The following DSEL variants were observed in gnomAD, a reference collection of about 807,000 sequenced individuals.
The protein encoded by DSEL is dermatan sulfate epimerase like.
In DSEL, 61 loss-of-function variants were observed where a neutral mutation model predicts 96.6. That is an observed-to-expected ratio of 0.63 (90% confidence interval 0.51 to 0.78). DSEL has a LOEUF of 0.78. Ranked by LOEUF, DSEL falls within the 30% of genes least tolerant of loss-of-function variation. The pLI is 0.00. For synonymous variants in DSEL, 514 were observed against 502.0 expected (o/e 1.02, Z -0.32); for missense variants, 1,320 against 1,430.8 (o/e 0.92, Z 1.25).
chr18:67,513,192 T>C lies in DSEL; in HGVS notation c.1417A>G (p.Asn473Asp). Residue 473 changes from asparagine to aspartate, a missense_variant, in exon 2 of 2, where the codon AAC becomes GAC. Transcript: ENST00000310045. ...CCATTGGGGGCAAAAGTAAATGAGT[T>C]CTGATCTGGATGCTCATGTCCTGGG... Reference protein sequence around the residue: ...FNPGHEHPDQNSFTFAPNGQV... With the variant: ...FNPGHEHPDQDSFTFAPNGQV... The C allele has an allele frequency of 6.2e-7, 1 of 1,614,164 alleles. No individual in the cohort carries two copies. The highest frequency in any genetic ancestry group is 8.5e-7 in the Non-Finnish European group (1 of 1,180,034).
rs575755730 is a variant in DSEL, at chr18:67,508,650, C to T, written c.*2320G>A. The T allele has an allele frequency of 6.6e-6, 1 of 152,020 alleles. No individual in the cohort carries two copies. Among genetic ancestry groups the T allele is most frequent in the Admixed American group, 6.6e-5 (1 of 15,264 alleles). 9.4% of individuals were successfully genotyped at this position (152,020 alleles called of 1,614,324 possible). ...TCTCAGTGTAACTCATTTTCTTTTT[C>T]ATTTTCTGTAACTCTTCTTTCCCTA... On this transcript the variant is annotated 3_prime_UTR_variant, in exon 2 of 2. Coordinates refer to ENST00000310045, the MANE Select transcript of DSEL (RefSeq NM_032160.3).
chr18:67,512,410 G>T lies in DSEL; in HGVS notation c.2199C>A (p.Phe733Leu). 6.2e-7 allele frequency: 1 copy of T among 1,614,136 alleles called. No individual in the cohort carries two copies. Among genetic ancestry groups the T allele is most frequent in the East Asian group, 2.2e-5 (1 of 44,884 alleles). Residue 733 changes from phenylalanine (F) to leucine (L), a missense_variant, in exon 2 of 2, where the codon TTC (phenylalanine) becomes TTA (leucine). Physicochemically the swap from Phe to Leu is conservative, Grantham distance 22. This residue lies in a region of DSEL where 986 missense variants were observed against 1,066.4 expected (regional missense o/e 0.92). Transcript: ENST00000310045. ...NLKTRFNYLG[F>L]GGFASVADQG... ...GATCAGCCACACTGGCAAAGCCACC[G>T]AATCCCAGATAATTGAATCTTGTCT...
chr18:67,512,419 A>G lies in DSEL; in HGVS notation c.2190T>C (p.Tyr730=). ...CACTGGCAAAGCCACCGAATCCCAG[A>G]TAATTGAATCTTGTCTTCAGGTTAT... is the stretch of plus-strand genomic sequence containing the variant. ...DYHNLKTRFN[Y]LGFGGFASVA... is the part of the protein sequence containing the mutation. Residue 730 remains tyrosine (Y), a synonymous_variant, in exon 2 of 2, where the codon TAT becomes TAC. Coordinates refer to ENST00000310045, the MANE Select transcript of DSEL (RefSeq NM_032160.3). The G allele has an allele frequency of 6.2e-7, 1 of 1,614,202 alleles. No individual in the cohort carries two copies. The highest frequency in any genetic ancestry group is 8.5e-7 in the Non-Finnish European group (1 of 1,180,042).
chr18:67,513,175 G>T lies in DSEL; in HGVS notation c.1434C>A (p.Ala478=). The change falls in exon 2 of 2, where the codon GCC becomes GCA. Residue 478 remains alanine, a synonymous_variant. Coordinates refer to ENST00000310045, the MANE Select transcript of DSEL (RefSeq NM_032160.3). ...CAGAAACAAATACTTGTCCATTGGG[G>T]GCAAAAGTAAATGAGTTCTGATCTG... The part of the protein sequence containing the change: ...EHPDQNSFTF[A]PNGQVFVSEA... 1.9e-6 allele frequency: 3 copies of T among 1,614,114 alleles called. No homozygotes were observed. The highest frequency in any genetic ancestry group is 2.5e-6 in the Non-Finnish European group (3 of 1,180,034).
In DSEL at chr18:67,514,443, G is replaced by C; in HGVS notation, c.166C>G (p.Leu56Val). The part of the protein sequence containing the change: ...KVQDFRPNQK[L>V]KKSMLHPSLY... Reference sequence around the variant, plus strand: ...CTTGGATGAAGCATACTTTTCTTCAGCTTTTGGTTGGGTCTGAAATCTTGC... The same window carrying C: ...CTTGGATGAAGCATACTTTTCTTCACCTTTTGGTTGGGTCTGAAATCTTGC... Residue 56 changes from leucine to valine, a missense_variant, in exon 2 of 2, where the codon CTG (leucine) becomes GTG (valine). This residue lies in a region of DSEL where 323 missense variants were observed against 333.1 expected (regional missense o/e 0.97). Transcript: ENST00000310045. 1 of 1,614,084 alleles carries C rather than the reference G, an allele frequency of 6.2e-7. No individual in the cohort carries two copies. The highest frequency in any genetic ancestry group is 8.5e-7 in the Non-Finnish European group (1 of 1,180,032).
At position 67,511,291 on chromosome 18, in the gene DSEL, A is replaced by T; in HGVS notation, c.3318T>A (p.Asn1106Lys). Reference protein sequence around the residue: ...VSLLSHLWLANTAAALRINTD... With the variant: ...VSLLSHLWLAKTAAALRINTD... ...TATTTATTCTCAAGGCTGCTGCTGT[A>T]TTTGCTAGCCACAAGTGAGACAAGA... Residue 1106 changes from asparagine (N) to lysine (K), a missense_variant, in exon 2 of 2, where the codon AAT (asparagine) becomes AAA (lysine). Physicochemically the swap from Asn to Lys is moderately conservative, Grantham distance 94. Transcript: ENST00000310045. 1 of 1,609,648 alleles carries T rather than the reference A, an allele frequency of 6.2e-7. No homozygotes were observed. The highest frequency in any genetic ancestry group is 8.5e-7 in the Non-Finnish European group (1 of 1,179,988).
In DSEL at chr18:67,512,187, C is replaced by T. The variant is rs2089447232; in HGVS notation, c.2422G>A (p.Val808Ile). 6.2e-7 allele frequency: 1 copy of T among 1,614,158 alleles called. No individual in the cohort carries two copies. Among genetic ancestry groups the T allele is most frequent in the Non-Finnish European group, 8.5e-7 (1 of 1,180,046 alleles). Residue 808 changes from valine to isoleucine, a missense_variant, in exon 2 of 2, where the codon GTT becomes ATT. This residue lies in a region of DSEL where 986 missense variants were observed against 1,066.4 expected (regional missense o/e 0.92). Coordinates refer to ENST00000310045, the MANE Select transcript of DSEL (RefSeq NM_032160.3). ...RKLMRWILIL[V>I]IALWFIELLD... is the part of the protein sequence containing the mutation. ...AGCTCAATAAACCACAAGGCAATAA[C>T]AAGTATTAATATCCATCGCATTAGT...
At position 67,514,359 on chromosome 18, in the gene DSEL, A is replaced by C. The variant is rs754294396; in HGVS notation, c.250T>G (p.Leu84Val). The C allele has an allele frequency of 2.5e-6, 4 of 1,614,192 alleles. No individual in the cohort carries two copies. Among genetic ancestry groups the C allele is most frequent in the Non-Finnish European group, 2.5e-6 (3 of 1,180,034 alleles). ...CTTCTGATAGCTCTAAAAAGATGCA[A>C]ATGGCTTGCACGAGACTTTTGTCTC... Reference protein sequence around the residue: ...AMRQKSRASHLHLFRAIRSAV... With the variant: ...AMRQKSRASHVHLFRAIRSAV... The change falls in exon 2 of 2, where the codon TTG becomes GTG. Residue 84 changes from leucine (L) to valine (V), a missense_variant. By Grantham distance (32) the Leu-to-Val change is conservative. Coordinates refer to ENST00000310045, the MANE Select transcript of DSEL (RefSeq NM_032160.3).
At position 67,511,583 on chromosome 18, in the gene DSEL, C is replaced by T; in HGVS notation, c.3026G>A (p.Trp1009Ter). 1.2e-6 allele frequency: 2 copies of T among 1,613,590 alleles called. No homozygotes were observed. Among genetic ancestry groups the T allele is most frequent in the South Asian group, 2.2e-5 (2 of 90,918 alleles). The change falls in exon 2 of 2, where the codon TGG (tryptophan) becomes TAG (stop). Residue 1009 changes from tryptophan to a stop codon, truncating the protein, a stop_gained. Coordinates refer to ENST00000310045, the MANE Select transcript of DSEL (RefSeq NM_032160.3). LOFTEE classifies it high-confidence loss of function. Reference protein sequence around the residue: ...RPVLSLSSGSWTLKLHFFQEV... With the variant: ...RPVLSLSSGS Reference sequence around the variant, plus strand: ...CTGAAAAAAATGAAGCTTTAACGTCCAGCTTCCACTGCTTAAACTGAGCAC... The same window carrying T: ...CTGAAAAAAATGAAGCTTTAACGTCTAGCTTCCACTGCTTAAACTGAGCAC...
rs1568244382 is a variant in DSEL, at chr18:67,511,673, T to A, written c.2936A>T (p.Asp979Val). ...EQRSQMKGAFDRDAEYIRALR... is the reference protein window; with the variant it reads ...EQRSQMKGAFVRDAEYIRALR... Reference sequence around the variant, plus strand: ...AGCCCTAATATATTCAGCATCTCTATCAAAGGCGCCTTTCATTTGACTTCT... The same window carrying A: ...AGCCCTAATATATTCAGCATCTCTAACAAAGGCGCCTTTCATTTGACTTCT... The change falls in exon 2 of 2, where the codon GAT becomes GTT. Residue 979 changes from aspartate to valine, a missense_variant. Asp to Val is a radical substitution (Grantham distance 152). Coordinates refer to ENST00000310045, the MANE Select transcript of DSEL (RefSeq NM_032160.3). 6.2e-7 allele frequency: 1 copy of A among 1,614,184 alleles called. No homozygotes were observed. Among genetic ancestry groups the A allele is most frequent in the South Asian group, 1.1e-5 (1 of 91,080 alleles).
At position 67,507,652 on chromosome 18, in the gene DSEL, C is replaced by T. The variant is rs962408672; in HGVS notation, c.*3318G>A. On this transcript the variant is annotated 3_prime_UTR_variant, in exon 2 of 2. Transcript: ENST00000310045. The stretch of plus-strand genomic sequence containing the variant: ...GGAGGTTCTTCTTTGAATACATTTG[C>T]AGAGGGCAATGTAGCAAGACCTGGG... The T allele has an allele frequency of 4.6e-5, 7 of 152,100 alleles. No homozygotes were observed. The highest frequency in any genetic ancestry group is 1.0e-4 in the Non-Finnish European group (7 of 68,024). 9.4% of individuals were successfully genotyped at this position (152,100 alleles called of 1,614,324 possible).
rs1228662217 is a variant in DSEL at position 67,512,064 on chromosome 18, G to C, written c.2545C>G (p.His849Asp). The change falls in exon 2 of 2, where the codon CAC becomes GAC. Residue 849 changes from histidine (H) to aspartate (D), a missense_variant. This residue lies in a region of DSEL where 986 missense variants were observed against 1,066.4 expected (regional missense o/e 0.92). Transcript: ENST00000310045. ...ATGACAACATCAGGAAGATCCATGT[G>C]GTGCCCTTCAGAAGACAAAGACTTC... ...SKKSLSSEGH[H>D]MDLPDVVITS... 1 of 1,614,074 alleles carries C rather than the reference G, an allele frequency of 6.2e-7. No individual in the cohort carries two copies. Among genetic ancestry groups the C allele is most frequent in the South Asian group, 1.1e-5 (1 of 91,082 alleles).
rs2089431617 is a variant in DSEL, at chr18:67,509,862, A to G, written c.*1108T>C. On this transcript the variant is annotated 3_prime_UTR_variant, in exon 2 of 2. Transcript: ENST00000310045. ...ACATTTATAATAAGATGCAGATGGT[A>G]AAGGAAACAGATGCCTCTGACATCA... 6.5e-6 allele frequency: 1 copy of G among 152,676 alleles called. No individual in the cohort carries two copies. The allele number at this position is 152,676 out of a possible 1,614,324, so 9.5% of individuals were successfully genotyped here. A position where few individuals can be genotyped will look rare whatever the true frequency, so the allele number is the denominator to read the frequency against.
rs755586014 is a variant in DSEL at position 67,514,024 on chromosome 18, T to C, written c.585A>G (p.Lys195=). ...TAATAACCCATATTTTTTCCAGGTA[T>C]TTTTGTCTTCGATGATTATCTAATA... ...YNLLDNHRRQ[K]YLEKIWVITE... is the part of the protein sequence containing the mutation. The change falls in exon 2 of 2, where the codon AAA becomes AAG. Residue 195 remains lysine (K), a synonymous_variant. Transcript: ENST00000310045. 1.9e-6 allele frequency: 3 copies of C among 1,614,190 alleles called. No homozygotes were observed. The highest frequency in any genetic ancestry group is 2.5e-6 in the Non-Finnish European group (3 of 1,180,024).
At position 67,512,837 on chromosome 18, in the gene DSEL, T is replaced by G. The variant is rs771879824; in HGVS notation, c.1772A>C (p.Glu591Ala). Reference protein sequence around the residue: ...LLVVDHIERQEDSPINSVSAF... With the variant: ...LLVVDHIERQADSPINSVSAF... ...ACTGACAGAATTTATTGGGGAATCTTCTTGCCTCTCAATATGATCAACAAC... is the reference window on the plus strand; with the variant it reads ...ACTGACAGAATTTATTGGGGAATCTGCTTGCCTCTCAATATGATCAACAAC... The change falls in exon 2 of 2, where the codon GAA becomes GCA. Residue 591 changes from glutamate to alanine, a missense_variant. Coordinates refer to ENST00000310045, the MANE Select transcript of DSEL (RefSeq NM_032160.3). The G allele has an allele frequency of 6.2e-7, 1 of 1,614,060 alleles. No homozygotes were observed. Among genetic ancestry groups the G allele is most frequent in the Non-Finnish European group, 8.5e-7 (1 of 1,180,030 alleles).
rs1251732765 is a variant in DSEL at position 67,510,855 on chromosome 18, CAT to C, written c.*113_*114del. On this transcript the variant is annotated 3_prime_UTR_variant, in exon 2 of 2. Transcript: ENST00000310045. ...CTCTCTGTGCAAACAACACTGAACACATACACGCGTGCACACACACACACACA... is the reference window on the plus strand; with the variant it reads ...CTCTCTGTGCAAACAACACTGAACACACACGCGTGCACACACACACACACA... The C allele has an allele frequency of 3.9e-6, 3 of 778,356 alleles. No individual in the cohort carries two copies. Among genetic ancestry groups the C allele is most frequent in the African/African-American group, 1.9e-5 (1 of 51,830 alleles). The allele number at this position is 778,356 out of a possible 1,614,324, so 48.2% of individuals were successfully genotyped here.
At position 67,512,266 on chromosome 18, in the gene DSEL, G is replaced by A; in HGVS notation, c.2343C>T (p.Cys781=). 1 of 1,613,976 alleles carries A rather than the reference G, an allele frequency of 6.2e-7. No homozygotes were observed. The highest frequency in any genetic ancestry group is 8.5e-7 in the Non-Finnish European group (1 of 1,179,936). The change falls in exon 2 of 2, where the codon TGC becomes TGT. Residue 781 remains cysteine (C), a synonymous_variant. Transcript: ENST00000310045. ...KFNIAVGLIL[C]ISLVILTFQW... is the part of the protein sequence containing the mutation. ...GGAAAGTTAAAATCACCAAGCTAAT[G>A]CACAAAATTAATCCAACTGCTATAT...
rs755349064 is a variant in DSEL at position 67,513,485 on chromosome 18, AC to A, written c.1123del (p.Val375PhefsTer74). ...ACTCCACCTTTGGGCAGTTGAAGGA[AC>A]CATCGGTCCATCTTTAGGTCGGTGC... ...RKHRPKDGPMVPSTAQRWSTL... is the reference protein window; with the variant it reads ...RKHRPKDGPMXPSTAQRWSTL... On this transcript the variant is annotated frameshift_variant, in exon 2 of 2. Transcript: ENST00000310045. LOFTEE classifies it high-confidence loss of function. The A allele has an allele frequency of 6.2e-7, 1 of 1,614,200 alleles. No homozygotes were observed. Among genetic ancestry groups the A allele is most frequent in the Non-Finnish European group, 8.5e-7 (1 of 1,180,046 alleles).
rs2089412076 is a variant in DSEL at position 67,506,708 on chromosome 18, A to G, written c.*4262T>C. 1 of 152,052 alleles carries G rather than the reference A, an allele frequency of 6.6e-6. No individual in the cohort carries two copies. The highest frequency in any genetic ancestry group is 2.1e-4 in the South Asian group (1 of 4,802). The allele number at this position is 152,052 out of a possible 1,614,324, so 9.4% of individuals were successfully genotyped here. ...ATAACTAGATAACGTATGAAGGAAA[A>G]ACGACGACGAACAAAAAATTAATTG... On this transcript the variant is annotated 3_prime_UTR_variant, in exon 2 of 2. Coordinates refer to ENST00000310045, the MANE Select transcript of DSEL (RefSeq NM_032160.3).
Sources: gnomAD v4.1 joint callset for allele counts on GRCh38, gnomAD v4.1.1 for gene constraint, gnomAD v4.1.1 regional missense constraint, MANE v1.5 for transcripts, NCBI Gene and HGNC (gene_info 2026-07-23, HGNC 2026-07-21) for gene names.